Variants in LDLRAD2 observed in about 807,000 individuals in gnomAD.
The protein encoded by LDLRAD2 is low-density lipoprotein receptor class A domain-containing protein 2.
LDLRAD2 carries 25 observed loss-of-function variants against 24.9 expected under a neutral mutation model. That is an observed-to-expected ratio of 1.00 (90% CI 0.73 to 1.40). The LOEUF (loss-of-function observed/expected upper bound fraction) is 1.40, where lower values mean the gene tolerates loss of function less well. LDLRAD2 is among the 40% of genes most tolerant of loss of function. The pLI is 0.00. For synonymous variants in LDLRAD2, 182 were observed against 166.7 expected, an observed-to-expected ratio of 1.09 and a Z score of -0.71; for missense variants, 391 against 366.2, an observed-to-expected ratio of 1.07 and a Z score of -0.55.
chr1:21,824,840 G>T lies in LDLRAD2; in HGVS notation c.*2625G>T, dbSNP rs1017726204. 2.0e-6 allele frequency: 3 copies of T among 1,467,038 alleles called. No individual in the cohort carries two copies. Among genetic ancestry groups the T allele is most frequent in the Non-Finnish European group, 2.8e-6 (3 of 1,065,930 alleles). The allele number at this position is 1,467,038 out of a possible 1,614,324, so 90.9% of individuals were successfully genotyped here. ...CATCAGGCATCAAAATCCCCCGTCA[G>T]TTCCCCTGACCCCCACCTCCACGCC... On this transcript the variant is annotated 3_prime_UTR_variant, in exon 5 of 5. Coordinates refer to ENST00000344642, the MANE Select transcript of LDLRAD2 (RefSeq NM_001013693.3). This position sits in a 1 kb window ranked among gnomAD's most constrained non-coding sequence, Gnocchi z 5.9.
rs1011654909 is a variant in LDLRAD2 at position 21,821,875 on chromosome 1, T to C, written c.805+264T>C. The C allele has an allele frequency of 1.1e-5, 15 of 1,420,476 alleles. No individual in the cohort carries two copies. The African/African-American group carries it at 2.2e-4, about 20-fold the overall frequency. The allele number at this position is 1,420,476 out of a possible 1,614,324, so 88.0% of individuals were successfully genotyped here. A position where few individuals can be genotyped will look rare whatever the true frequency, so the allele number is the denominator to read the frequency against. ...TCTGCCTCCACTGCAGCACAGCCTG[T>C]ACCACGTGCTACCCATGTCCCAGCC... is the stretch of plus-strand genomic sequence containing the variant. On this transcript the variant is annotated intron_variant, in intron 4 of 4. Coordinates refer to ENST00000344642, the MANE Select transcript of LDLRAD2 (RefSeq NM_001013693.3).
chr1:21,824,232 G>T lies in LDLRAD2; in HGVS notation c.*2017G>T. 6.2e-7 allele frequency: 1 copy of T among 1,613,302 alleles called. No homozygotes were observed. The highest frequency in any genetic ancestry group is 1.3e-5 in the African/African-American group (1 of 75,054). On this transcript the variant is annotated 3_prime_UTR_variant, in exon 5 of 5. Coordinates refer to ENST00000344642, the MANE Select transcript of LDLRAD2 (RefSeq NM_001013693.3). The surrounding 1 kb of genome is among the most constrained non-coding windows in gnomAD (Gnocchi z 5.9). ...GCAGTCATCCAGGCCCAAGAAGTATGAGCTGGGGCAGGACCGGGGGGTGGG... is the reference window on the plus strand; with the variant it reads ...GCAGTCATCCAGGCCCAAGAAGTATTAGCTGGGGCAGGACCGGGGGGTGGG...
rs772966985 is a variant in LDLRAD2, at chr1:21,822,187, C to G, written c.806-15C>G. On this transcript the variant is annotated splice_polypyrimidine_tract_variant and intron_variant, in intron 4 of 4. Transcript: ENST00000344642. ...ACCCCCAGATCTCACCTGCCCTGCTCTGCCCCATCCACAGGCTCCACTGAG... is the reference window on the plus strand; with the variant it reads ...ACCCCCAGATCTCACCTGCCCTGCTGTGCCCCATCCACAGGCTCCACTGAG... 1 of 1,614,188 alleles carries G rather than the reference C, an allele frequency of 6.2e-7. No individual in the cohort carries two copies. Among genetic ancestry groups the G allele is most frequent in the Admixed American group, 1.7e-5 (1 of 60,020 alleles).
chr1:21,824,060 GGCGTCCTGCCCCACTC>G lies in LDLRAD2; in HGVS notation c.*1846_*1861del. 3 of 1,450,376 alleles carry G rather than the reference GGCGTCCTGCCCCACTC, an allele frequency of 2.1e-6. No homozygotes were observed. Among genetic ancestry groups the G allele is most frequent in the South Asian group, 2.4e-5 (2 of 84,952 alleles). 89.8% of individuals were successfully genotyped at this position (1,450,376 alleles called of 1,614,324 possible). A position where few individuals can be genotyped will look rare whatever the true frequency, so the allele number is the denominator to read the frequency against. On this transcript the variant is annotated 3_prime_UTR_variant, in exon 5 of 5. Coordinates refer to ENST00000344642, the MANE Select transcript of LDLRAD2 (RefSeq NM_001013693.3). This position sits in a 1 kb window ranked among gnomAD's most constrained non-coding sequence, Gnocchi z 5.9. ...ACCTGCCTCTCTGCCCATGGTAGGG[GGCGTCCTGCCCCACTC>G]CAGAACGCTGGGCCCCATCCCGAGT...
At chr1:21,815,213 C>A (rs377051398) in intron 2 of LDLRAD2, among the ~76,000 whole-genome samples, 3 of 152,190 alleles carry the variant, frequency 2.0e-5, no homozygotes, top group South Asian at 2.1e-4. Context: ...GCACAACCCA[C>A]GCACCTCATC....
Position 21,816,086 on chromosome 1 carries a change from G to A in LDLRAD2, c.643+12G>A, listed in dbSNP as rs374464498. ...AGCTGACTGCAGAGGTCAGTGCGGG[G>A]TGTGGACTGGGCCCTACTGAACAGC... On this transcript the variant is annotated intron_variant, in intron 3 of 4. Transcript: ENST00000344642. 35 of 1,611,742 alleles carry A rather than the reference G, an allele frequency of 2.2e-5. No individual in the cohort carries two copies. The highest frequency in any genetic ancestry group is 2.7e-5 in the Non-Finnish European group (32 of 1,179,682).
At position 21,822,438 on chromosome 1, in the gene LDLRAD2, G is replaced by A. The variant is rs1301185899; in HGVS notation, c.*223G>A. On this transcript the variant is annotated 3_prime_UTR_variant, in exon 5 of 5. Transcript: ENST00000344642. ...CCCCTCCTCTCTCTCTCAGTCGTGA[G>A]TCCTGCCTTCCCCCACCTAAGGCAC... 1 of 574,596 alleles carries A rather than the reference G, an allele frequency of 1.7e-6. No homozygotes were observed. The highest frequency in any genetic ancestry group is 3.0e-5 in the Admixed American group (1 of 33,612). The allele number at this position is 574,596 out of a possible 1,614,324, so 35.6% of individuals were successfully genotyped here.
rs570286988 is a variant in LDLRAD2 at position 21,823,999 on chromosome 1, C to T, written c.*1784C>T. On this transcript the variant is annotated 3_prime_UTR_variant, in exon 5 of 5. Transcript: ENST00000344642. The stretch of plus-strand genomic sequence containing the variant: ...AGCCCTGGCTGGTGGGTTCTCCCCT[C>T]CCCTGGCTTCAAGTTCTGTCTCCAC... 6.8e-6 allele frequency: 7 copies of T among 1,029,686 alleles called. No homozygotes were observed. Among genetic ancestry groups the T allele is most frequent in the Non-Finnish European group, 4.4e-6 (3 of 677,654 alleles). 63.8% of individuals were successfully genotyped at this position (1,029,686 alleles called of 1,614,324 possible).
At position 21,822,500 on chromosome 1, in the gene LDLRAD2, G is replaced by C. The variant is rs561815621; in HGVS notation, c.*285G>C. 3 of 368,428 alleles carry C rather than the reference G, an allele frequency of 8.1e-6. No individual in the cohort carries two copies. Among genetic ancestry groups the C allele is most frequent in the South Asian group, 2.5e-5 (1 of 39,862 alleles). The allele number at this position is 368,428 out of a possible 1,614,324, so 22.8% of individuals were successfully genotyped here. ...GAGCACCAGCGGCATCCGTCCGTCC[G>C]TTGTCTGTTGGAGGAGTCCCTGGGC... On this transcript the variant is annotated 3_prime_UTR_variant, in exon 5 of 5. Transcript: ENST00000344642.
intron 2 of LDLRAD2, among the ~76,000 whole-genome samples, chr1:21,815,223 C>T (rs562439081): frequency 1.3e-5 from 2 of 152,324 alleles, no homozygotes; most frequent in Admixed American, 6.5e-5. Context: ...CGCACCTCAT[C>T]GCCCCCACAC....
rs2097966349 is a variant in LDLRAD2, at chr1:21,825,081, TC to T, written c.*2867del. 4.4e-6 allele frequency: 2 copies of T among 454,544 alleles called. No individual in the cohort carries two copies. The highest frequency in any genetic ancestry group is 4.1e-6 in the Non-Finnish European group (1 of 244,908). 28.2% of individuals were successfully genotyped at this position (454,544 alleles called of 1,614,324 possible). The stretch of plus-strand genomic sequence containing the variant: ...CAACTTTGTTACTAGTATTTGCTTA[TC>T]ACATGACAGTAGCTGCAAATATTTC... On this transcript the variant is annotated 3_prime_UTR_variant, in exon 5 of 5. Coordinates refer to ENST00000344642, the MANE Select transcript of LDLRAD2 (RefSeq NM_001013693.3).
In LDLRAD2 at chr1:21,823,375, G is replaced by T; in HGVS notation, c.*1160G>T. On this transcript the variant is annotated 3_prime_UTR_variant, in exon 5 of 5. Transcript: ENST00000344642. ...TGGGCGCGGTGCTGCAGGTCCAGGG[G>T]CTGTGGGGGCGGGGCGCCGGGTCGG... 6.4e-7 allele frequency: 1 copy of T among 1,551,780 alleles called. No homozygotes were observed.
Position 21,821,450 on chromosome 1 carries a change from G to T in LDLRAD2, c.644G>T (p.Gly215Val), listed in dbSNP as rs750235030. The T allele has an allele frequency of 1.7e-5, 28 of 1,614,092 alleles. No individual in the cohort carries two copies. The highest frequency in any genetic ancestry group is 1.7e-5 in the Admixed American group (1 of 60,012). The part of the protein sequence containing the change: ...QGSWSPADCR[G>V]PSPVPSQTGS... ...GCTAGTTCTGTTCTTTCCCATGCAG[G>T]TCCCTCTCCGGTGCCCAGCCAGACA... is the stretch of plus-strand genomic sequence containing the variant. The change falls in exon 4 of 5, where the codon GGT becomes GTT. Residue 215 changes from glycine (G) to valine (V), a missense_variant and splice_region_variant. By Grantham distance (109) the Gly-to-Val change is moderately radical. Transcript: ENST00000344642.
intron 1 of LDLRAD2, 87 bp downstream of exon 1, chr1:21,812,623 TC>T: frequency 1.8e-6 from 2 of 1,131,430 alleles, no homozygotes; most frequent in Admixed American, 3.8e-5. Context: ...TCAGCACTCA[TC>T]CTGCTGGGCT....
rs1312817440 is a variant in LDLRAD2, at chr1:21,822,258, C to G, written c.*43C>G. 6.3e-7 allele frequency: 1 copy of G among 1,592,728 alleles called. No homozygotes were observed. ...CAGGAGGCCCCTGGCGGGGATAGCA[C>G]CGTTTATTAAGAAAAATCAAGACAA... On this transcript the variant is annotated 3_prime_UTR_variant, in exon 5 of 5. Transcript: ENST00000344642.
chr1:21,825,052 C>T lies in LDLRAD2; in HGVS notation c.*2837C>T. 3.9e-6 allele frequency: 2 copies of T among 509,234 alleles called. No individual in the cohort carries two copies. The highest frequency in any genetic ancestry group is 4.2e-5 in the South Asian group (2 of 48,034). The allele number at this position is 509,234 out of a possible 1,614,324, so 31.5% of individuals were successfully genotyped here. A position where few individuals can be genotyped will look rare whatever the true frequency, so the allele number is the denominator to read the frequency against. ...AGAAACCAAAGTAGCAGTGGTAGGA[C>T]CTGCAACTTTGTTACTAGTATTTGC... On this transcript the variant is annotated 3_prime_UTR_variant, in exon 5 of 5. Coordinates refer to ENST00000344642, the MANE Select transcript of LDLRAD2 (RefSeq NM_001013693.3).
chr1:21,821,555 C>A lies in LDLRAD2; in HGVS notation c.749C>A (p.Ala250Asp), dbSNP rs758187902. ...TCTGCAGGATCCCTCTGGATTGCAG[C>A]TGAGAGGAGTTCCCCAGCAGGCAGG... ...LGSAGSLWIA[A>D]ERSSPAGRDP... Residue 250 changes from alanine (A) to aspartate (D), a missense_variant, in exon 4 of 5, where the codon GCT becomes GAT. By Grantham distance (126) the Ala-to-Asp change is moderately radical (BLOSUM62 -2). Transcript: ENST00000344642. 1 of 1,614,146 alleles carries A rather than the reference C, an allele frequency of 6.2e-7. No individual in the cohort carries two copies. Among genetic ancestry groups the A allele is most frequent in the Non-Finnish European group, 8.5e-7 (1 of 1,180,024 alleles).
intron 3 of LDLRAD2, 133 bp downstream of exon 3, chr1:21,816,207 C>G (rs2097943809): frequency 8.1e-7 from 1 of 1,234,180 alleles, no homozygotes; most frequent in Admixed American, 2.5e-5. Context: ...CGGCTTAGGC[C>G]AAGGGCTGGA....
intron 2 of LDLRAD2, among the ~76,000 whole-genome samples, chr1:21,815,265 C>T (rs748123472): frequency 6.6e-6 from 1 of 152,200 alleles, no homozygotes; most frequent in Non-Finnish European, 1.5e-5. Context: ...CTGCAGCACA[C>T]GCCTCACACT....
Sources: gnomAD v4.1 joint callset for allele counts (sites outside exome capture counted in the v4.1 genomes callset) on GRCh38, gnomAD v4.1.1 for gene constraint, Gnocchi (gnomAD v3.1) non-coding constraint, MANE v1.5 for transcripts, NCBI Gene and HGNC (gene_info 2026-07-23, HGNC 2026-07-21) for gene names.